Variants in PFKFB2 observed in about 807,000 individuals in gnomAD.
PFKFB2 encodes the protein 6-phosphofructo-2-kinase/fructose-2,6-biphosphatase 2.
Under a neutral mutation model 68.0 loss-of-function variants are expected in PFKFB2, and 53 were observed. That is an observed-to-expected ratio of 0.78 (90% CI 0.63 to 0.98). PFKFB2 has a LOEUF of 0.98. Among genes scored for constraint, PFKFB2 ranks in the 50% least tolerant of loss-of-function variants. The probability of loss-of-function intolerance (pLI) is 0.00; values close to 1 mark genes in which losing one functional copy is unlikely to be tolerated. For synonymous variants in PFKFB2, 222 were observed against 227.6 expected (o/e 0.98, Z 0.22); for missense variants, 451 against 642.0 (o/e 0.70, Z 3.22).
chr1:207,079,166 A>G (rs924932047), downstream of PFKFB2: 6 of 701,606 alleles, frequency 8.6e-6, no homozygotes, highest in Admixed American at 6.3e-5. Context: ...AAACGTCACC[A>G]TATTTCCTCC....
chr1:207,064,422 AAAG>A (rs1683218376), intron 7 of PFKFB2, among the ~76,000 whole-genome samples: 2 of 152,112 alleles, frequency 1.3e-5, no homozygotes, highest in South Asian at 4.1e-4. Context: ...GAAAAAAAAA[AAAG>A]AATAGATCAG....
intron 2 of PFKFB2, chr1:207,048,140 C>A (rs1321937553): frequency 6.6e-6 from 1 of 152,518 alleles, no homozygotes; most frequent in Non-Finnish European, 1.5e-5. Flanking sequence ...AAAAAAGTAC[C>A]CTGCTTAACT....
chr1:207,069,675 G>C (rs757331920), intron 11 of PFKFB2, 147 bp downstream of exon 11: 23 of 596,434 alleles, frequency 3.9e-5, no homozygotes, highest in Non-Finnish European at 6.6e-5. Flanking sequence ...ATTCAGCTTA[G>C]ACAATCGAAT....
At chr1:207,064,212 C>T (rs531710741) in intron 7 of PFKFB2, among the ~76,000 whole-genome samples, 3 of 151,952 alleles carry the variant, frequency 2.0e-5, no homozygotes, top group African/African-American at 4.8e-5. Flanking sequence ...TTTGGGAGGC[C>T]GAGGCAAGTG....
At chr1:207,067,040 G>A (rs772237407) in intron 8 of PFKFB2, among the ~76,000 whole-genome samples, 3 of 152,182 alleles carry the variant, frequency 2.0e-5, no homozygotes, top group Non-Finnish European at 2.9e-5. Context: ...GCATGATTAG[G>A]TAGATGCAGG....
At chr1:207,048,951 G>T, upstream of PFKFB2, 1 of 1,407,372 alleles carries the variant, frequency 7.1e-7, no homozygotes, top group Non-Finnish European at 9.7e-7. Flanking sequence ...GGTTACCATA[G>T]CTTATTGGAA....
upstream of PFKFB2, chr1:207,049,841 A>C: frequency 2.3e-6 from 2 of 877,928 alleles, no homozygotes; most frequent in South Asian, 3.7e-5. Context: ...GGGGTTACTA[A>C]GGAGAATACA....
intron 2 of PFKFB2, among the ~76,000 whole-genome samples, chr1:207,057,496 C>G (rs1475333606): frequency 6.7e-6 from 1 of 149,470 alleles, no homozygotes; most frequent in Admixed American, 6.6e-5. Flanking sequence ...AAAAAAAAAG[C>G]AGAAATGGAG....
intron 1 of PFKFB2, among the ~76,000 whole-genome samples, chr1:207,039,506 A>G (rs1348761614): frequency 6.6e-6 from 1 of 152,254 alleles, no homozygotes; most frequent in Non-Finnish European, 1.5e-5. Context: ...TGGTTACTTG[A>G]TAAAGTGACT....
chr1:207,076,723 G>A lies in PFKFB2; in HGVS notation c.*4352G>A. The A allele has an allele frequency of 2.2e-6, 2 of 923,750 alleles. No individual in the cohort carries two copies. Among genetic ancestry groups the A allele is most frequent in the Non-Finnish European group, 2.5e-6 (2 of 801,130 alleles). The allele number at this position is 923,750 out of a possible 1,614,324, so 57.2% of individuals were successfully genotyped here. On this transcript the variant is annotated 3_prime_UTR_variant, in exon 15 of 15. Transcript: ENST00000367080. Reference sequence around the variant, plus strand: ...CAACTGGTAGACCAGGAGGATCTGTGTGCTGATTGACTCTAGTAGGATCTG... The same window carrying A: ...CAACTGGTAGACCAGGAGGATCTGTATGCTGATTGACTCTAGTAGGATCTG...
rs1214970598 is a variant in PFKFB2 at position 207,073,412 on chromosome 1, G to T, written c.*1041G>T. The stretch of plus-strand genomic sequence containing the variant: ...TTTAGAAGGGCAGTTAGATTCAGGA[G>T]TCACCACTGATGTTTGAGTTGCTCA... On this transcript the variant is annotated 3_prime_UTR_variant, in exon 15 of 15. Coordinates refer to ENST00000367080, the MANE Select transcript of PFKFB2 (RefSeq NM_006212.2). The T allele has an allele frequency of 1.2e-5, 12 of 985,460 alleles. No individual in the cohort carries two copies. The highest frequency in any genetic ancestry group is 1.4e-5 in the Non-Finnish European group (12 of 829,910). The allele number at this position is 985,460 out of a possible 1,614,324, so 61.0% of individuals were successfully genotyped here.
At chr1:207,068,380 T>C in intron 10 of PFKFB2, 71 bp downstream of exon 10, 1 of 1,330,974 alleles carries the variant, frequency 7.5e-7, no homozygotes, top group Non-Finnish European at 1.0e-6. Context: ...AAGTCACTAT[T>C]TAGACAGTTT....
chr1:207,064,954 T>C, intron 7 of PFKFB2, 82 bp from the exon 8 acceptor site: 1 of 1,436,970 alleles, frequency 7.0e-7, no homozygotes, highest in South Asian at 1.3e-5. Context: ...CTTCTTTTTC[T>C]TTTTTTTAGC....
rs552329629 is a variant in PFKFB2 at position 207,073,841 on chromosome 1, T to C, written c.*1470T>C. Reference sequence around the variant, plus strand: ...ATGTACGAATATATGTATGTTTTTCTGAGAGGCAAGTTTAGGGTTCTCATG... The same window carrying C: ...ATGTACGAATATATGTATGTTTTTCCGAGAGGCAAGTTTAGGGTTCTCATG... On this transcript the variant is annotated 3_prime_UTR_variant, in exon 15 of 15. Coordinates refer to ENST00000367080, the MANE Select transcript of PFKFB2 (RefSeq NM_006212.2). 1.0e-6 allele frequency: 1 copy of C among 985,460 alleles called. No individual in the cohort carries two copies. Among genetic ancestry groups the C allele is most frequent in the African/African-American group, 1.7e-5 (1 of 57,368 alleles). The allele number at this position is 985,460 out of a possible 1,614,324, so 61.0% of individuals were successfully genotyped here.
At chr1:207,035,540 G>C (rs1682358671) in intron 1 of PFKFB2, among the ~76,000 whole-genome samples, 1 of 152,058 alleles carries the variant, frequency 6.6e-6, no homozygotes, top group Admixed American at 6.6e-5. Context: ...TGCAGTCCCA[G>C]GTGCTCGTGG....
chr1:207,061,175 A>C (rs59425822), intron 2 of PFKFB2, among the ~76,000 whole-genome samples: 30 of 43,902 alleles, frequency 6.8e-4, no homozygotes, highest in Non-Finnish European at 1.2e-3. Flanking sequence ...TTATATATAT[A>C]TATATATATA....
chr1:207,052,186 T>C (rs759098176), upstream of PFKFB2: 5 of 1,612,654 alleles, frequency 3.1e-6, no homozygotes, highest in Admixed American at 3.3e-5. Flanking sequence ...CAAACTCACC[T>C]CCACTGTAAA....
At chr1:207,052,200 CTT>C (rs1227735344), upstream of PFKFB2, 7 of 1,612,782 alleles carry the variant, frequency 4.3e-6, no homozygotes, top group Admixed American at 1.7e-5. Flanking sequence ...CTGTAAAAGA[CTT>C]TGCTTCTGAA....
In PFKFB2 at chr1:207,074,475, G is replaced by A. The variant is rs904658328; in HGVS notation, c.*2104G>A. 1.0e-6 allele frequency: 1 copy of A among 985,304 alleles called. No individual in the cohort carries two copies. The highest frequency in any genetic ancestry group is 1.2e-6 in the Non-Finnish European group (1 of 829,930). 61.0% of individuals were successfully genotyped at this position (985,304 alleles called of 1,614,324 possible). On this transcript the variant is annotated 3_prime_UTR_variant, in exon 15 of 15. Coordinates refer to ENST00000367080, the MANE Select transcript of PFKFB2 (RefSeq NM_006212.2). ...TTTAAGCACCCTGGAGAGAGGTGCA[G>A]ACCCTGCCAGGATGATAAAGGTTGT...
Sources: gnomAD v4.1 joint callset for allele counts (sites outside exome capture counted in the v4.1 genomes callset) on GRCh38, gnomAD v4.1.1 for gene constraint, MANE v1.5 for transcripts, NCBI Gene and HGNC (gene_info 2026-07-23, HGNC 2026-07-21) for gene names.